Variants in SIAH3 observed in about 807,000 individuals in gnomAD.
SIAH3 encodes seven in absentia homolog 3.
Under a neutral mutation model 12.6 loss-of-function variants are expected in SIAH3, and 9 were observed. That is an observed-to-expected ratio of 0.72 (90% CI 0.43 to 1.25). The LOEUF is 1.25. Among genes scored for constraint, SIAH3 ranks in the 50% most tolerant of loss-of-function variants. The pLI is 0.00. For missense variants in SIAH3, 390 were observed against 365.4 expected (o/e 1.07, Z -0.55); for synonymous variants, 154 against 151.1 (o/e 1.02, Z -0.14).
At position 45,783,910 on chromosome 13, in the gene SIAH3, C is replaced by G. The variant is rs773328760; in HGVS notation, c.283G>C (p.Ala95Pro). 3 of 1,611,094 alleles carry G rather than the reference C, an allele frequency of 1.9e-6. No individual in the cohort carries two copies. The African/African-American group carries it at 4.0e-5, about 22-fold the overall frequency. ...AHPHHLHHQE[A>P]GLHANPVTPC... The stretch of plus-strand genomic sequence containing the variant: ...GTCACCGGGTTGGCGTGCAGCCCCG[C>G]CTCCTGGTGGTGAAGGTGGTGGGGG... Residue 95 changes from alanine to proline, a missense_variant, in exon 2 of 2, where the codon GCG becomes CCG. Transcript: ENST00000400405.
intron 1 of SIAH3, among the ~76,000 whole-genome samples, chr13:45,795,779 G>A (rs150537311): frequency 3.9e-5 from 6 of 152,114 alleles, no homozygotes; most frequent in South Asian, 2.1e-4. Context: ...ACCTGCACAC[G>A]AATGTTTACA....
intron 1 of SIAH3, among the ~76,000 whole-genome samples, chr13:45,837,601 G>C (rs558741659): frequency 7.2e-6 from 1 of 139,352 alleles, no homozygotes; most frequent in African/African-American, 2.6e-5. Context: ...AGGAGGGAGG[G>C]ACAGAGGGAG....
intron 1 of SIAH3, among the ~76,000 whole-genome samples, chr13:45,801,301 C>T (rs1248347648): frequency 6.6e-6 from 1 of 152,136 alleles, no homozygotes; most frequent in Admixed American, 6.5e-5. Flanking sequence ...AATAGAGGAA[C>T]TCTGGATAGT....
At chr13:45,801,101 G>GGT (rs67983216) in intron 1 of SIAH3, among the ~76,000 whole-genome samples, 12 of 79,396 alleles carry the variant, frequency 1.5e-4, no homozygotes, top group East Asian at 9.0e-4. Flanking sequence ...GTGGCGGGGG[G>GGT]GGGCATGGCT....
chr13:45,819,636 C>T (rs1174844527), intron 1 of SIAH3, among the ~76,000 whole-genome samples: 1 of 152,200 alleles, frequency 6.6e-6, no homozygotes, highest in Non-Finnish European at 1.5e-5. Flanking sequence ...GAAATAGCTT[C>T]TGATTGCTCT....
chr13:45,846,594 T>G (rs1242144614), intron 1 of SIAH3, among the ~76,000 whole-genome samples: 1 of 152,124 alleles, frequency 6.6e-6, no homozygotes, highest in East Asian at 1.9e-4. Context: ...GCTAGGAAAA[T>G]AATCCATCTT....
chr13:45,791,210 T>C (rs1329803407), intron 1 of SIAH3, among the ~76,000 whole-genome samples: 2 of 152,096 alleles, frequency 1.3e-5, no homozygotes. Flanking sequence ...GGTAGCCTTT[T>C]CTCCTCAACT....
intron 1 of SIAH3, among the ~76,000 whole-genome samples, chr13:45,839,335 T>A (rs1950730919): frequency 6.6e-6 from 1 of 152,146 alleles, no homozygotes; most frequent in Non-Finnish European, 1.5e-5. Flanking sequence ...GCTTCCACTG[T>A]TAGATAATGA....
chr13:45,812,044 C>T (rs997122548), intron 1 of SIAH3, among the ~76,000 whole-genome samples: 2 of 152,198 alleles, frequency 1.3e-5, no homozygotes, highest in Non-Finnish European at 2.9e-5. Flanking sequence ...TAGTTCAATG[C>T]CATTCACCAA....
intron 1 of SIAH3, among the ~76,000 whole-genome samples, chr13:45,787,731 G>A (rs921545077): frequency 1.3e-5 from 2 of 152,210 alleles, no homozygotes; most frequent in African/African-American, 2.4e-5. Context: ...AAGCCAAGCT[G>A]AGGCTCTGAG....
At chr13:45,812,641 A>G (rs1222054644) in intron 1 of SIAH3, among the ~76,000 whole-genome samples, 2 of 152,168 alleles carry the variant, frequency 1.3e-5, no homozygotes, top group Non-Finnish European at 2.9e-5. Flanking sequence ...CCTGTGATGC[A>G]TATGGGTGCA....
chr13:45,798,533 A>C (rs560131400), intron 1 of SIAH3, among the ~76,000 whole-genome samples: 1 of 152,268 alleles, frequency 6.6e-6, no homozygotes, highest in East Asian at 1.9e-4. Flanking sequence ...TATCTTGGAG[A>C]GGTCTTTTAA....
chr13:45,815,473 T>C (rs945597512), intron 1 of SIAH3, among the ~76,000 whole-genome samples: 3 of 152,210 alleles, frequency 2.0e-5, no homozygotes. Context: ...CTGTGGACTT[T>C]GAACTTACCA....
chr13:45,846,805 A>G (rs891900154), intron 1 of SIAH3, among the ~76,000 whole-genome samples: 4 of 152,188 alleles, frequency 2.6e-5, no homozygotes, highest in Non-Finnish European at 5.9e-5. Context: ...CGCCAGCTTC[A>G]GCCTCCCCTA....
chr13:45,798,601 G>A (rs904333818), intron 1 of SIAH3, among the ~76,000 whole-genome samples: 3 of 152,188 alleles, frequency 2.0e-5, no homozygotes, highest in African/African-American at 7.2e-5. Flanking sequence ...CTGGTATTTA[G>A]TTAAGTTGTC....
chr13:45,845,340 A>T (rs952098545), intron 1 of SIAH3, among the ~76,000 whole-genome samples: 1 of 152,082 alleles, frequency 6.6e-6, no homozygotes, highest in African/African-American at 2.4e-5. Flanking sequence ...TGAAAGGTAC[A>T]ATTTCTTGAG....
chr13:45,827,534 G>A (rs1235048058), intron 1 of SIAH3, among the ~76,000 whole-genome samples: 1 of 152,214 alleles, frequency 6.6e-6, no homozygotes, highest in Non-Finnish European at 1.5e-5. Flanking sequence ...CCTGGAGCCA[G>A]TCCAGGAGGT....
intron 1 of SIAH3, among the ~76,000 whole-genome samples, chr13:45,851,051 C>A (rs1329272375): frequency 1.4e-5 from 2 of 142,626 alleles, no homozygotes; most frequent in Admixed American, 1.4e-4. Context: ...GGATTCCTCA[C>A]CCCCCAGTAG....
In SIAH3 at chr13:45,789,355, A is replaced by T. The variant is rs891123878; in HGVS notation, c.136-5298T>A. ...GTGATATAAATCTATCTGTGTATCT[A>T]TCATCTATCTATCTATCTATCTATC... On this transcript the variant is annotated intron_variant, in intron 1 of 1. Coordinates refer to ENST00000400405, the MANE Select transcript of SIAH3 (RefSeq NM_198849.3). Among the ~76,000 whole-genome samples, 4 of 137,142 alleles carry T rather than the reference A, an allele frequency of 2.9e-5. No individual in the cohort carries two copies. In the South Asian group the frequency reaches 9.8e-4, roughly 34 times the overall value. The allele number at this position is 137,142 out of a possible 152,430, so 90.0% of individuals were successfully genotyped here.
Sources: gnomAD v4.1 joint callset for allele counts (sites outside exome capture counted in the v4.1 genomes callset) on GRCh38, gnomAD v4.1.1 for gene constraint, MANE v1.5 for transcripts, NCBI Gene and HGNC (gene_info 2026-07-23, HGNC 2026-07-21) for gene names.